The following RGS6 variants were observed in gnomAD, a reference collection of about 807,000 sequenced individuals.
RGS6 encodes the protein regulator of G-protein signaling 6.
Under a neutral mutation model 78.5 loss-of-function variants are expected in RGS6, and 30 were observed. The observed-to-expected ratio is 0.38, with a 90% CI of 0.29 to 0.52. The LOEUF (loss-of-function observed/expected upper bound fraction) is 0.52. RGS6 is among the 20% of genes least tolerant of loss of function. The pLI, the probability that RGS6 is intolerant of heterozygous loss-of-function variation, is 0.85. For synonymous variants in RGS6, 206 were observed against 206.0 expected, an observed-to-expected ratio of 1.00 and a Z score of 0.00; for missense variants, 495 against 609.7, an observed-to-expected ratio of 0.81 and a Z score of 1.98.
intron 2 of RGS6, among the ~76,000 whole-genome samples, chr14:72,325,850 C>G (rs1221619435): frequency 1.3e-5 from 2 of 152,036 alleles, no homozygotes; most frequent in East Asian, 3.9e-4. Context: ...AAAAAAAAGC[C>G]TGCCAGATTT....
chr14:72,620,430 A>G, the RGS6 span, among the ~76,000 whole-genome samples: 1 of 152,192 alleles, frequency 6.6e-6, no homozygotes, highest in African/African-American at 2.4e-5. Flanking sequence ...CAACAGCTGT[A>G]CTGGGATGAA....
At chr14:72,308,889 T>C (rs993999028) in intron 2 of RGS6, among the ~76,000 whole-genome samples, 2 of 152,198 alleles carry the variant, frequency 1.3e-5, no homozygotes, top group African/African-American at 4.8e-5. Flanking sequence ...GATGAAATGA[T>C]ATGAATCATC....
At chr14:72,128,088 T>C (rs1013547651) in intron 2 of RGS6, among the ~76,000 whole-genome samples, 6 of 152,188 alleles carry the variant, frequency 3.9e-5, no homozygotes, top group African/African-American at 1.4e-4. Flanking sequence ...TTCCAAATTT[T>C]TGCTTATTAT....
intron 16 of RGS6, among the ~76,000 whole-genome samples, chr14:72,539,598 C>G (rs560072056): frequency 1.3e-5 from 2 of 152,330 alleles, no homozygotes; most frequent in South Asian, 4.2e-4. Context: ...TGCTGGCTCT[C>G]AGAGCCAGTC....
intron 2 of RGS6, among the ~76,000 whole-genome samples, chr14:72,069,832 G>T (rs1020520798): frequency 6.6e-6 from 1 of 152,080 alleles, no homozygotes; most frequent in East Asian, 1.9e-4. Context: ...GGGCCACTGC[G>T]CCCAGCCAAT....
Position 72,232,036 on chromosome 14 carries a change from A to T in RGS6, c.85-120059A>T, listed in dbSNP as rs2049769262. ...GGCTGTATGAAGGGATACTGGGAGG[A>T]CAAGGATAGAAGAAGGAGACCAGTG... On this transcript the variant is annotated intron_variant, in intron 2 of 17. Transcript: ENST00000553525. Among the ~76,000 whole-genome samples the T allele has an allele frequency of 2.6e-5, 4 of 152,138 alleles. No individual in the cohort carries two copies. The South Asian group carries it at 8.3e-4, about 32-fold the overall frequency.
chr14:71,915,559 G>A, the RGS6 span, among the ~76,000 whole-genome samples: 1 of 152,106 alleles, frequency 6.6e-6, no homozygotes, highest in African/African-American at 2.4e-5. Context: ...ACCCAGTAGG[G>A]CCTAGTGTCC....
chr14:71,981,457 T>G (rs568685128), intron 2 of RGS6, among the ~76,000 whole-genome samples: 2 of 152,118 alleles, frequency 1.3e-5, no homozygotes, highest in Non-Finnish European at 2.9e-5. Flanking sequence ...GTCCTTTCTG[T>G]TTGTTAGTTT....
chr14:71,891,484 G>A, the RGS6 span, among the ~76,000 whole-genome samples: 2 of 152,076 alleles, frequency 1.3e-5, no homozygotes, highest in Non-Finnish European at 2.9e-5. Context: ...TCCAGCAGGT[G>A]GTATCCTGAT....
intron 3 of RGS6, among the ~76,000 whole-genome samples, chr14:72,453,046 C>T (rs888505267): frequency 6.6e-6 from 1 of 152,162 alleles, no homozygotes; most frequent in Non-Finnish European, 1.5e-5. Flanking sequence ...TGCCGCAGGA[C>T]TGTCTGAATA....
intron 2 of RGS6, among the ~76,000 whole-genome samples, chr14:72,331,705 C>T (rs1338231879): frequency 1.3e-5 from 2 of 152,144 alleles, no homozygotes; most frequent in African/African-American, 4.8e-5. Flanking sequence ...TAGCACAGAG[C>T]TCTGGTGATA....
intron 2 of RGS6, among the ~76,000 whole-genome samples, chr14:72,295,337 G>A (rs2064577548): frequency 6.6e-6 from 1 of 151,090 alleles, no homozygotes; most frequent in South Asian, 2.1e-4. Context: ...ATCTTATCTA[G>A]AACTCCAGTA....
At chr14:72,243,494 C>A (rs1473073059) in intron 2 of RGS6, among the ~76,000 whole-genome samples, 7 of 151,348 alleles carry the variant, frequency 4.6e-5, no homozygotes, top group African/African-American at 1.7e-4. Flanking sequence ...CATGACAATG[C>A]AATTCATTTG....
intron 2 of RGS6, among the ~76,000 whole-genome samples, chr14:72,160,023 G>A (rs182374115): frequency 4.6e-5 from 7 of 152,164 alleles, no homozygotes; most frequent in Admixed American, 1.3e-4. Context: ...GTCTTTTACC[G>A]ATTAGATTGT....
At position 72,025,336 on chromosome 14, in the gene RGS6, TCACAATTAATTATA is replaced by T. The variant is rs2089625095; in HGVS notation, c.84+60464_84+60477del. Among the ~76,000 whole-genome samples the T allele has an allele frequency of 2.0e-5, 3 of 151,950 alleles. 1 individual carries two copies. The highest frequency in any genetic ancestry group is 4.2e-4 in the South Asian group (2 of 4,812). ...TTTCTGGTTTCTGTTATTTGGTAGG[TCACAATTAATTATA>T]CAGGGTTAACAAAAATAGATTAACA... On this transcript the variant is annotated intron_variant, in intron 2 of 17. Coordinates refer to ENST00000553525, the MANE Select transcript of RGS6 (RefSeq NM_001204424.2).
At chr14:72,555,778 TG>T (rs1170737803) in intron 17 of RGS6, among the ~76,000 whole-genome samples, 1 of 152,262 alleles carries the variant, frequency 6.6e-6, no homozygotes, top group African/African-American at 2.4e-5. Context: ...AAGCATGTTG[TG>T]GACATAAGTA....
At chr14:72,052,983 TTCTCTC>T (rs372866325) in intron 2 of RGS6, among the ~76,000 whole-genome samples, 5,632 of 85,142 alleles carry the variant, frequency 0.066, 302 homozygotes, top group East Asian at 0.13. Context: ...CTTTCTTTCT[TTCTCTC>T]TCTCTCTCTC....
intron 2 of RGS6, among the ~76,000 whole-genome samples, chr14:71,996,708 A>G (rs2095220204): frequency 6.6e-6 from 1 of 151,158 alleles, no homozygotes; most frequent in African/African-American, 2.4e-5. Context: ...TTGATGAGTA[A>G]GGGAATTAAG....
In RGS6 at chr14:72,221,162, AAT is replaced by A. The variant is rs568311908; in HGVS notation, c.85-130928_85-130927del. 2.2e-4 allele frequency among the ~76,000 whole-genome samples: 34 copies of A among 152,324 alleles called. 1 individual carries two copies. In the East Asian group the frequency reaches 6.4e-3, roughly 29 times the overall value. ...AATCATAAAGTCACACCTTGGGAGAAATATATTTCTTCTACTACTGCCACTGC... is the reference window on the plus strand; with the variant it reads ...AATCATAAAGTCACACCTTGGGAGAAATATTTCTTCTACTACTGCCACTGC... On this transcript the variant is annotated intron_variant, in intron 2 of 17. Coordinates refer to ENST00000553525, the MANE Select transcript of RGS6 (RefSeq NM_001204424.2).
Sources: gnomAD v4.1 joint callset for allele counts (sites outside exome capture counted in the v4.1 genomes callset) on GRCh38, gnomAD v4.1.1 for gene constraint, MANE v1.5 for transcripts, NCBI Gene and HGNC (gene_info 2026-07-23, HGNC 2026-07-21) for gene names.